Variants in RBMS3 observed in about 807,000 individuals in gnomAD.
The protein encoded by RBMS3 is RNA-binding motif, single-stranded-interacting protein 3.
Under a neutral mutation model 66.8 loss-of-function variants are expected in RBMS3, and 27 were observed. The ratio of observed to expected loss-of-function variants is 0.40; its 90% CI spans 0.30 to 0.56. The LOEUF (loss-of-function observed/expected upper bound fraction) is 0.56. RBMS3 is among the 20% of genes least tolerant of loss of function. RBMS3 has a pLI of 0.40. For missense variants in RBMS3, 513 were observed against 549.5 expected, an observed-to-expected ratio of 0.93 and a Z score of 0.66; for synonymous variants, 188 against 183.0, an observed-to-expected ratio of 1.03 and a Z score of -0.22.
intron 1 of RBMS3, among the ~76,000 whole-genome samples, chr3:29,417,076 A>G (rs889422283): frequency 7.9e-5 from 12 of 152,134 alleles, no homozygotes; most frequent in African/African-American, 1.7e-4. Flanking sequence ...TCATATAAAG[A>G]GACAATCAAA....
At chr3:29,655,295 A>G (rs1041658725) in intron 4 of RBMS3, among the ~76,000 whole-genome samples, 1 of 152,192 alleles carries the variant, frequency 6.6e-6, no homozygotes, top group Non-Finnish European at 1.5e-5. Flanking sequence ...AGGGAGTTAT[A>G]AAAGAAGAAA....
chr3:29,936,508 T>C (rs545584441), intron 11 of RBMS3, among the ~76,000 whole-genome samples: 2 of 152,212 alleles, frequency 1.3e-5, no homozygotes, highest in East Asian at 3.9e-4. Context: ...TCTAGACCCT[T>C]TGACTTAATA....
At chr3:29,941,553 A>T (rs2061394418) in intron 11 of RBMS3, among the ~76,000 whole-genome samples, 1 of 151,858 alleles carries the variant, frequency 6.6e-6, no homozygotes, top group Admixed American at 6.6e-5. Flanking sequence ...TTACTTTAAA[A>T]TGAAAGACCT....
In RBMS3 at chr3:29,590,285, G is replaced by T. The variant is rs78400121; in HGVS notation, c.399+3080G>T. Among the ~76,000 whole-genome samples, 338 of 152,018 alleles carry T rather than the reference G, an allele frequency of 2.2e-3. 2 individuals are homozygous for T. Among genetic ancestry groups the T allele is most frequent in the African/African-American group, 7.3e-3 (301 of 41,490 alleles). On this transcript the variant is annotated intron_variant, in intron 4 of 14. Transcript: ENST00000383767. Reference sequence around the variant, plus strand: ...TGAACTTCTCTAATAATAACTCTTAGGTTAGAGAACTGCTGTGAGAATTTT... The same window carrying T: ...TGAACTTCTCTAATAATAACTCTTATGTTAGAGAACTGCTGTGAGAATTTT...
At chr3:29,554,503 T>G (rs2046280053) in intron 3 of RBMS3, among the ~76,000 whole-genome samples, 1 of 152,186 alleles carries the variant, frequency 6.6e-6, no homozygotes, top group Non-Finnish European at 1.5e-5. Flanking sequence ...GAGAGACTTA[T>G]TTACTATAAA....
Position 29,688,508 on chromosome 3 carries a change from AT to A in RBMS3, c.400-51209del, listed in dbSNP as rs573350152. Among the ~76,000 whole-genome samples, 451 of 149,040 alleles carry A rather than the reference AT, an allele frequency of 3.0e-3. 1 individual carries two copies. The highest frequency in any genetic ancestry group is 0.01 in the African/African-American group (421 of 40,306). Reference sequence around the variant, plus strand: ...ATTTAACCTCTGGTTTAGTATATAAATTTGTTTTTCGTTTTGATTAATGTAA... The same window carrying A: ...ATTTAACCTCTGGTTTAGTATATAAATTGTTTTTCGTTTTGATTAATGTAA... On this transcript the variant is annotated intron_variant, in intron 4 of 14. Transcript: ENST00000383767.
intron 3 of RBMS3, among the ~76,000 whole-genome samples, chr3:29,532,246 GTATATATATATATA>G (rs1166106438): frequency 0.026 from 2,326 of 88,984 alleles, 70 homozygotes; most frequent in Admixed American, 0.058. Flanking sequence ...GCATATATAT[GTATATATATATATA>G]TGTATATATA....
chr3:29,511,183 G>C (rs1453234674), intron 3 of RBMS3, among the ~76,000 whole-genome samples: 3 of 152,146 alleles, frequency 2.0e-5, no homozygotes, highest in African/African-American at 7.2e-5. Context: ...TGTAATCCCA[G>C]CTACTTGGGA....
chr3:29,747,742 A>G (rs1478677831), intron 5 of RBMS3, among the ~76,000 whole-genome samples: 1 of 152,212 alleles, frequency 6.6e-6, no homozygotes, highest in East Asian at 1.9e-4. Flanking sequence ...AGCCCTAGGT[A>G]GTATTGGAAA....
intron 1 of RBMS3, among the ~76,000 whole-genome samples, chr3:29,419,139 G>A (rs1057356305): frequency 2.0e-5 from 3 of 152,058 alleles, no homozygotes; most frequent in African/African-American, 7.2e-5. Context: ...AGGCCAAGAA[G>A]CAATCTCCTA....
chr3:29,676,396 C>T (rs926700076), intron 4 of RBMS3, among the ~76,000 whole-genome samples: 2 of 152,134 alleles, frequency 1.3e-5, no homozygotes, highest in African/African-American at 4.8e-5. Context: ...GCACGTTGTG[C>T]ACATGTACCC....
chr3:29,398,011 C>T (rs559665721), intron 1 of RBMS3, among the ~76,000 whole-genome samples: 1 of 152,226 alleles, frequency 6.6e-6, no homozygotes, highest in East Asian at 1.9e-4. Flanking sequence ...TTCTAAATCT[C>T]CTTATGGCCT....
intron 1 of RBMS3, among the ~76,000 whole-genome samples, chr3:29,297,561 T>G (rs2033361484): frequency 6.6e-6 from 1 of 151,906 alleles, no homozygotes; most frequent in Admixed American, 6.6e-5. Flanking sequence ...TCAGTATTTC[T>G]TATACTTCTT....
At chr3:29,456,286 G>A (rs559891774) in intron 2 of RBMS3, among the ~76,000 whole-genome samples, 2 of 152,228 alleles carry the variant, frequency 1.3e-5, no homozygotes, top group South Asian at 4.1e-4. Context: ...AGAAGAGTGA[G>A]AAAATTTTAA....
chr3:29,827,412 A>G (rs12494070), intron 6 of RBMS3, among the ~76,000 whole-genome samples: 2,351 of 152,294 alleles, frequency 0.015, 52 homozygotes, highest in South Asian at 0.059. Context: ...TGTGAAAATT[A>G]TCGCCTTGTT....
At chr3:29,928,379 A>G (rs1246229292) in intron 10 of RBMS3, among the ~76,000 whole-genome samples, 3 of 151,728 alleles carry the variant, frequency 2.0e-5, no homozygotes, top group South Asian at 2.1e-4. Context: ...TAAAAAAAGT[A>G]TAGAAGGAGC....
chr3:29,625,343 CA>C (rs1323377760), intron 4 of RBMS3, among the ~76,000 whole-genome samples: 1 of 152,054 alleles, frequency 6.6e-6, no homozygotes, highest in Non-Finnish European at 1.5e-5. Flanking sequence ...CACATAGAAC[CA>C]ACTTAGAACA....
chr3:29,288,988 T>C (rs915163315), intron 1 of RBMS3, among the ~76,000 whole-genome samples: 2 of 152,004 alleles, frequency 1.3e-5, no homozygotes, highest in South Asian at 4.1e-4. Flanking sequence ...AAATGACATA[T>C]GCTATTTTAA....
intron 5 of RBMS3, among the ~76,000 whole-genome samples, chr3:29,758,747 T>A (rs923620442): frequency 6.6e-6 from 1 of 152,226 alleles, no homozygotes; most frequent in Non-Finnish European, 1.5e-5. Context: ...AAGAAGGAAA[T>A]GACATAATTT....
Sources: allele counts gnomAD v4.1 joint callset (sites outside exome capture counted in the v4.1 genomes callset), GRCh38; gene constraint gnomAD v4.1.1; transcripts MANE v1.5; gene names NCBI Gene and HGNC (gene_info 2026-07-23, HGNC 2026-07-21).